SEC62: variants seen among roughly 807,000 people sequenced by gnomAD.
SEC62 encodes the protein translocation protein SEC62.
SEC62 carries 10 observed loss-of-function variants against 47.5 expected under a neutral mutation model. The ratio of observed to expected loss-of-function variants is 0.21; its 90% CI spans 0.13 to 0.36. The LOEUF (loss-of-function observed/expected upper bound fraction) is 0.36, where lower values mean the gene tolerates loss of function less well. Ranked by LOEUF, SEC62 falls within the 10% of genes least tolerant of loss-of-function variation. SEC62 has a pLI of 1.00. For synonymous variants in SEC62, 136 were observed against 150.5 expected (o/e 0.90, Z 0.71); for missense variants, 327 against 464.1 (o/e 0.70, Z 2.71).
chr3:169,970,432 A>G (rs1247980722), intron 1 of SEC62, among the ~76,000 whole-genome samples: 2 of 152,214 alleles, frequency 1.3e-5, no homozygotes, highest in Non-Finnish European at 2.9e-5. Flanking sequence ...GTTCCTCTGT[A>G]TCACAAATTC....
rs574096149 is a variant in SEC62 at position 169,993,206 on chromosome 3, C to T, written c.*143C>T. On this transcript the variant is annotated 3_prime_UTR_variant, in exon 8 of 8. Transcript: ENST00000337002. The stretch of plus-strand genomic sequence containing the variant: ...TATTTGACATTCAAGCAGTTATATT[C>T]GGTCCTTCATTTTATAGAATATTGG... 72 of 649,148 alleles carry T rather than the reference C, an allele frequency of 1.1e-4. No individual in the cohort carries two copies. The highest frequency in any genetic ancestry group is 1.5e-4 in the Non-Finnish European group (59 of 381,102). The allele number at this position is 649,148 out of a possible 1,614,324, so 40.2% of individuals were successfully genotyped here.
intron 2 of SEC62, among the ~76,000 whole-genome samples, chr3:169,976,468 A>G (rs1714841316): frequency 6.6e-6 from 1 of 152,190 alleles, no homozygotes. Context: ...ACAAGTTTTA[A>G]AAAGTAGATG....
chr3:169,975,975 T>C lies in SEC62; in HGVS notation c.145+259T>C, dbSNP rs114597985. Among the ~76,000 whole-genome samples, 766 of 152,388 alleles carry C rather than the reference T, an allele frequency of 5.0e-3. 8 individuals are homozygous for C. Among genetic ancestry groups the C allele is most frequent in the African/African-American group, 0.017 (718 of 41,594 alleles). ...GTGTTTTAAAATACTACCTTTTGTT[T>C]AGATAGTATGCGTACTTGGAACTAA... is the stretch of plus-strand genomic sequence containing the variant. On this transcript the variant is annotated intron_variant, in intron 2 of 7. Coordinates refer to ENST00000337002, the MANE Select transcript of SEC62 (RefSeq NM_003262.4).
intron 2 of SEC62, among the ~76,000 whole-genome samples, chr3:169,976,145 C>T (rs888975093): frequency 6.6e-6 from 1 of 152,058 alleles, no homozygotes; most frequent in Non-Finnish European, 1.5e-5. Context: ...ACCTATAGTA[C>T]CAACACTTTG....
Position 169,992,509 on chromosome 3 carries a change from CTG to C in SEC62, c.731-83_731-82del. On this transcript the variant is annotated intron_variant, in intron 7 of 7. Coordinates refer to ENST00000337002, the MANE Select transcript of SEC62 (RefSeq NM_003262.4). The surrounding 1 kb of genome is among the most constrained non-coding windows in gnomAD (Gnocchi z 4.0). ...TGTATGAAATGTGCAGATAATAAAA[CTG>C]TTTTCCCAGCTTTTTATTAACAAAT... 1.1e-6 allele frequency: 1 copy of C among 902,478 alleles called. No individual in the cohort carries two copies. The highest frequency in any genetic ancestry group is 1.6e-5 in the South Asian group (1 of 62,180). 55.9% of individuals were successfully genotyped at this position (902,478 alleles called of 1,614,324 possible).
At chr3:169,989,252 C>G (rs1392281434) in intron 7 of SEC62, among the ~76,000 whole-genome samples, 3 of 50,320 alleles carry the variant, frequency 6.0e-5, no homozygotes, top group Non-Finnish European at 1.3e-4. Flanking sequence ...TTTCATCATG[C>G]CTGGCTTTTT....
chr3:169,969,236 G>T lies in SEC62; in HGVS notation c.36+2378G>T. On this transcript the variant is annotated intron_variant, in intron 1 of 7. Transcript: ENST00000337002. ...AGAAATGTTTGATACAAACAAATAA[G>T]TTCAGGGTTAAAAAAAAAAGTAGCT... The T allele has an allele frequency of 6.6e-6, 3 of 452,424 alleles. No individual in the cohort carries two copies. The Admixed American group carries it at 7.2e-5, about 11-fold the overall frequency. 28.0% of individuals were successfully genotyped at this position (452,424 alleles called of 1,614,324 possible). A position where few individuals can be genotyped will look rare whatever the true frequency, so the allele number is the denominator to read the frequency against.
chr3:169,975,729 C>G lies in SEC62; in HGVS notation c.145+13C>G. The G allele has an allele frequency of 1.3e-6, 2 of 1,535,772 alleles. No individual in the cohort carries two copies. Among genetic ancestry groups the G allele is most frequent in the Admixed American group, 1.7e-5 (1 of 59,876 alleles). On this transcript the variant is annotated intron_variant, in intron 2 of 7. Coordinates refer to ENST00000337002, the MANE Select transcript of SEC62 (RefSeq NM_003262.4). ...GATTATTTTATTGGTAGGATTATAT[C>G]AGTAAAATCGTATTAGTGTACATAT...
intron 4 of SEC62, 43 bp from the exon 5 acceptor site, chr3:169,983,118 G>C (rs1399500535): frequency 6.6e-7 from 1 of 1,511,592 alleles, no homozygotes; most frequent in Non-Finnish European, 9.1e-7. Flanking sequence ...CATATTTCTT[G>C]CTTACTTGTG....
chr3:169,968,031 G>A (rs1300433235), intron 1 of SEC62, among the ~76,000 whole-genome samples: 1 of 152,176 alleles, frequency 6.6e-6, no homozygotes, highest in African/African-American at 2.4e-5. Context: ...CAGAAATAAA[G>A]TAGTTCCGAA....
intron 6 of SEC62, among the ~76,000 whole-genome samples, chr3:169,986,690 G>T (rs1312329576): frequency 6.6e-6 from 1 of 152,130 alleles, no homozygotes; most frequent in Non-Finnish European, 1.5e-5. Flanking sequence ...CTGGGAAGTG[G>T]AATAAGAATT....
intron 7 of SEC62, among the ~76,000 whole-genome samples, chr3:169,989,990 A>G (rs1024230299): frequency 2.8e-5 from 4 of 141,040 alleles, no homozygotes; most frequent in Non-Finnish European, 6.2e-5. Flanking sequence ...TATATGATAT[A>G]TAGATATATG....
Position 169,972,580 on chromosome 3 carries a change from C to CTTTTTTTTTTTT in SEC62, c.37-3019_37-3008dup, listed in dbSNP as rs11391826. Among the ~76,000 whole-genome samples the CTTTTTTTTTTTT allele has an allele frequency of 2.3e-4, 26 of 114,916 alleles. 1 individual carries two copies. The highest frequency in any genetic ancestry group is 2.8e-4 in the Non-Finnish European group (16 of 57,868). 75.4% of individuals were successfully genotyped at this position (114,916 alleles called of 152,430 possible). A position where few individuals can be genotyped will look rare whatever the true frequency, so the allele number is the denominator to read the frequency against. On this transcript the variant is annotated intron_variant, in intron 1 of 7. Transcript: ENST00000337002. ...ACACATGTGTAGCACCTTTTTCTAT[C>CTTTTTTTTTTTT]TTTTTTTTTTTTTTTTTTTTATGTA...
chr3:169,984,504 C>T (rs139968390), intron 5 of SEC62, among the ~76,000 whole-genome samples: 4 of 152,214 alleles, frequency 2.6e-5, no homozygotes, highest in South Asian at 2.1e-4. Flanking sequence ...GATTGCCAGG[C>T]GTGCCAGGAA....
chr3:169,977,616 A>G (rs1486364826), intron 3 of SEC62, among the ~76,000 whole-genome samples: 2 of 152,158 alleles, frequency 1.3e-5, no homozygotes, highest in Non-Finnish European at 2.9e-5. Context: ...TTCTGTTTTG[A>G]AAAAACTTTT....
chr3:169,989,976 AAT>A (rs961565364), intron 7 of SEC62, among the ~76,000 whole-genome samples: 10 of 147,220 alleles, frequency 6.8e-5, no homozygotes, highest in African/African-American at 2.0e-4. Context: ...ATTATATATG[AAT>A]ATATATGATA....
rs1177842726 is a variant in SEC62, at chr3:169,988,402, T to C, written c.730+43T>C. ...AAAATTGACCTCAAGAAGGTTGGTA[T>C]TGAGCAGTTGGACTGTAATTTGGAG... On this transcript the variant is annotated intron_variant, in intron 7 of 7. Transcript: ENST00000337002. 5.0e-6 allele frequency: 8 copies of C among 1,604,554 alleles called. No individual in the cohort carries two copies. In the East Asian group the frequency reaches 1.3e-4, roughly 27 times the overall value.
chr3:169,978,810 T>C (rs1714905127), intron 3 of SEC62, among the ~76,000 whole-genome samples: 1 of 152,184 alleles, frequency 6.6e-6, no homozygotes, highest in Non-Finnish European at 1.5e-5. Flanking sequence ...TAAGAGATGC[T>C]ACAAATGCAG....
chr3:169,971,848 G>A (rs1714707106), intron 1 of SEC62, among the ~76,000 whole-genome samples: 5 of 152,148 alleles, frequency 3.3e-5, no homozygotes, highest in Admixed American at 3.3e-4. Context: ...GTGTTAGTAT[G>A]AGTATATTTG....
Sources: allele counts gnomAD v4.1 joint callset (sites outside exome capture counted in the v4.1 genomes callset), GRCh38; gene constraint gnomAD v4.1.1; non-coding constraint Gnocchi (gnomAD v3.1); transcripts MANE v1.5; gene names NCBI Gene and HGNC (gene_info 2026-07-23, HGNC 2026-07-21).